The following TDRD1 variants were observed in gnomAD, a reference collection of about 807,000 sequenced individuals.
TDRD1 encodes tudor domain-containing protein 1.
Under a neutral mutation model 140.6 loss-of-function variants are expected in TDRD1, and 37 were observed. The ratio of observed to expected loss-of-function variants is 0.26; its 90% CI spans 0.20 to 0.35. The LOEUF (loss-of-function observed/expected upper bound fraction) is 0.35. Ranked by LOEUF, TDRD1 falls within the 10% of genes least tolerant of loss-of-function variation. TDRD1 has a pLI of 1.00. For synonymous variants in TDRD1, 506 were observed against 475.7 expected (o/e 1.06, Z -0.83); for missense variants, 1,243 against 1,393.0 (o/e 0.89, Z 1.71).
chr10:114,232,247 T>G (rs2036793252), exon 26 of TDRD1: 2 of 152,054 alleles, frequency 1.3e-5, no homozygotes, highest in South Asian at 4.2e-4. Flanking sequence ...TAGATTTTTG[T>G]TGTTATAGAT....
At chr10:114,213,024 T>C (rs2035586838) in intron 14 of TDRD1, among the ~76,000 whole-genome samples, 1 of 152,158 alleles carries the variant, frequency 6.6e-6, no homozygotes, top group Non-Finnish European at 1.5e-5. Flanking sequence ...TGGAATTACG[T>C]GGTTTTTGTT....
At chr10:114,181,193 T>C (rs145811921) in intron 1 of TDRD1, among the ~76,000 whole-genome samples, 33 of 152,336 alleles carry the variant, frequency 2.2e-4, no homozygotes, top group East Asian at 1.2e-3. Flanking sequence ...GAGGTACTCT[T>C]TAACGTAGAG....
At chr10:114,221,856 A>G (rs990921171) in intron 20 of TDRD1, among the ~76,000 whole-genome samples, 4 of 152,254 alleles carry the variant, frequency 2.6e-5, no homozygotes, top group East Asian at 3.8e-4. Flanking sequence ...ACGTAGAGAA[A>G]TGTTTCACAC....
chr10:114,184,182 T>TC (rs1368615373), intron 1 of TDRD1, among the ~76,000 whole-genome samples: 1 of 152,066 alleles, frequency 6.6e-6, no homozygotes, highest in African/African-American at 2.4e-5. Flanking sequence ...TTTTTTTTTT[T>TC]TTACTATAAA....
At chr10:114,220,945 T>C (rs1213204763) in intron 19 of TDRD1, 102 bp downstream of exon 19, 5 of 723,468 alleles carry the variant, frequency 6.9e-6, no homozygotes, top group East Asian at 2.6e-5. Context: ...TGTAGAGATA[T>C]GCTTTACGGA....
At chr10:114,180,868 A>G (rs755152166) in intron 1 of TDRD1, among the ~76,000 whole-genome samples, 2 of 152,248 alleles carry the variant, frequency 1.3e-5, no homozygotes, top group Non-Finnish European at 2.9e-5. Flanking sequence ...ACAGCTGAGT[A>G]TCTGTGCATA....
At chr10:114,202,065 G>C (rs112947234) in intron 5 of TDRD1, among the ~76,000 whole-genome samples, 173 bp from the exon 6 acceptor site, 1 of 152,214 alleles carries the variant, frequency 6.6e-6, no homozygotes, top group Non-Finnish European at 1.5e-5. Flanking sequence ...CACACAGGGT[G>C]TGGACCACTG....
intron 2 of TDRD1, 54 bp from the exon 3 acceptor site, chr10:114,190,907 A>G (rs373876562): frequency 8.7e-5 from 133 of 1,536,330 alleles, no homozygotes; most frequent in Non-Finnish European, 1.2e-4. Flanking sequence ...TTTCATTATT[A>G]GCAATAAAAA....
exon 17 of TDRD1, chr10:114,217,547 T>G (rs777816752): frequency 6.5e-7 from 1 of 1,541,992 alleles, no homozygotes; most frequent in Admixed American, 1.9e-5. Context: ...ATTTTCAGCT[T>G]TAAAGAAACT....
intron 10 of TDRD1, among the ~76,000 whole-genome samples, chr10:114,205,617 T>C (rs1407746687): frequency 6.6e-6 from 1 of 152,186 alleles, no homozygotes; most frequent in Non-Finnish European, 1.5e-5. Flanking sequence ...ATTTGTGAGG[T>C]GGTAAACAAA....
chr10:114,227,828 C>A, intron 23 of TDRD1, 82 bp from the exon 24 acceptor site: 1 of 1,071,184 alleles, frequency 9.3e-7, no homozygotes, highest in Non-Finnish European at 1.4e-6. Context: ...AGGGGGAGAG[C>A]TATCTGTATA....
At chr10:114,204,932 A>G in intron 10 of TDRD1, 39 bp downstream of exon 10, 1 of 1,504,094 alleles carries the variant, frequency 6.6e-7, no homozygotes, top group Non-Finnish European at 8.9e-7. Context: ...TTAATAGGAT[A>G]TGTAGTTTCC....
chr10:114,183,443 GAA>G (rs1490062777), intron 1 of TDRD1, among the ~76,000 whole-genome samples: 1 of 152,108 alleles, frequency 6.6e-6, no homozygotes, highest in Non-Finnish European at 1.5e-5. Context: ...TTTGGAAAAT[GAA>G]AAAGACAGTG....
In TDRD1 at chr10:114,206,258, C is replaced by T. The variant is rs1330181331; in HGVS notation, c.1312C>T (p.His438Tyr). 6.2e-6 allele frequency: 10 copies of T among 1,613,044 alleles called. No homozygotes were observed. The highest frequency in any genetic ancestry group is 8.5e-6 in the Non-Finnish European group (10 of 1,179,504). ...TCACTTTTTAGGAAAACTTTTAGACCATGTGCTTATAGAAATGGGATATGG... is the reference window on the plus strand; with the variant it reads ...TCACTTTTTAGGAAAACTTTTAGACTATGTGCTTATAGAAATGGGATATGG... Residue 438 changes from histidine (H) to tyrosine (Y), a missense_variant, in exon 11 of 26, where the codon CAT becomes TAT. His to Tyr is a moderately conservative substitution (Grantham distance 83). Coordinates refer to ENST00000251864, the Ensembl canonical transcript of TDRD1.
intron 10 of TDRD1, among the ~76,000 whole-genome samples, chr10:114,205,675 T>G (rs1205956793): frequency 6.6e-6 from 1 of 152,124 alleles, no homozygotes; most frequent in East Asian, 1.9e-4. Flanking sequence ...TTGTTAAAAT[T>G]TCTGTCAAAT....
exon 18 of TDRD1, chr10:114,218,421 T>C: frequency 6.3e-7 from 1 of 1,579,142 alleles, no homozygotes; most frequent in Non-Finnish European, 8.6e-7. Flanking sequence ...TAGGTGATGG[T>C]AGTTGGTATC....
At chr10:114,206,769 A>G (rs1422974982) in intron 11 of TDRD1, among the ~76,000 whole-genome samples, 1 of 152,084 alleles carries the variant, frequency 6.6e-6, no homozygotes. Context: ...TCCCGCTAGC[A>G]CGCCCAGCTA....
intron 10 of TDRD1, 152 bp downstream of exon 10, chr10:114,205,045 G>A: frequency 5.0e-6 from 3 of 597,134 alleles, no homozygotes; most frequent in Non-Finnish European, 7.9e-6. Flanking sequence ...TTGGCAGTTT[G>A]TCAAAGACAT....
chr10:114,196,104 AT>A (rs1465298240), intron 3 of TDRD1, among the ~76,000 whole-genome samples: 3 of 152,158 alleles, frequency 2.0e-5, no homozygotes, highest in Non-Finnish European at 4.4e-5. Context: ...CTCAAACATA[AT>A]TTAGAATGCT....
Sources: allele counts gnomAD v4.1 joint callset (sites outside exome capture counted in the v4.1 genomes callset), GRCh38; gene constraint gnomAD v4.1.1; transcripts MANE v1.5; gene names NCBI Gene and HGNC (gene_info 2026-07-23, HGNC 2026-07-21).